MIA2: variants seen among roughly 807,000 people sequenced by gnomAD.
MIA2 encodes the protein melanoma inhibitory activity protein 2.
MIA2 carries 127 observed loss-of-function variants against 167.8 expected under a neutral mutation model. The observed-to-expected ratio is 0.76, with a 90% CI of 0.66 to 0.88. MIA2 has a LOEUF of 0.88. Ranked by LOEUF, MIA2 falls within the 40% of genes least tolerant of loss-of-function variation. The probability of loss-of-function intolerance (pLI) is 0.00; values close to 1 mark genes in which losing one functional copy is unlikely to be tolerated. For missense variants in MIA2, 1,690 were observed against 1,624.7 expected (o/e 1.04, Z -0.69); for synonymous variants, 552 against 541.9 (o/e 1.02, Z -0.26).
chr14:39,305,268 A>G lies in MIA2; in HGVS notation c.2878+887A>G, dbSNP rs138693135. 9.7e-3 allele frequency among the ~76,000 whole-genome samples: 1,475 copies of G among 152,340 alleles called. 17 individuals are homozygous for G. The highest frequency in any genetic ancestry group is 0.017 in the Middle Eastern group (5 of 294). On this transcript the variant is annotated intron_variant, in intron 17 of 28. Transcript: ENST00000640607. ...AGTATTAGTTTAAGAGAATGTTGCT[A>G]TATGTAAAGCATTGTACTAAAAACT...
At chr14:39,357,845 G>T (rs992913274) in intron 23 of MIA2, among the ~76,000 whole-genome samples, 1 of 149,832 alleles carries the variant, frequency 6.7e-6, no homozygotes, top group African/African-American at 2.5e-5. Context: ...ATTCTGGGTT[G>T]AAAATTCTTT....
intron 6 of MIA2, 120 bp from the exon 7 acceptor site, chr14:39,276,814 C>T (rs1236552330): frequency 1.0e-6 from 1 of 1,002,360 alleles, no homozygotes. Flanking sequence ...CTGATACTTT[C>T]TGTTTGGTGT....
Position 39,313,417 on chromosome 14 carries a change from C to A in MIA2, c.3095C>A (p.Ala1032Asp). 1 of 1,600,714 alleles carries A rather than the reference C, an allele frequency of 6.2e-7. No individual in the cohort carries two copies. The highest frequency in any genetic ancestry group is 1.3e-5 in the African/African-American group (1 of 74,446). The change falls in exon 19 of 29, where the codon GCC (alanine) becomes GAC (aspartate). Residue 1032 changes from alanine (A) to aspartate (D), a missense_variant. Coordinates refer to ENST00000640607, the MANE Select transcript of MIA2 (RefSeq NM_001329214.4). ...AAAGTAGATGAAAAGATCAGCCATG[C>A]CACTGAAGAGCTGGAGACCTATAGG... ...LSKVDEKISHATEELETYRKR... is the reference protein window; with the variant it reads ...LSKVDEKISHDTEELETYRKR...
At chr14:39,283,407 A>G (rs2059219366) in intron 9 of MIA2, among the ~76,000 whole-genome samples, 1 of 152,216 alleles carries the variant, frequency 6.6e-6, no homozygotes. Context: ...ATTGACTTTA[A>G]GTGAAACAGT....
intron 23 of MIA2, among the ~76,000 whole-genome samples, chr14:39,357,733 C>T (rs148805915): frequency 0.038 from 5,713 of 152,158 alleles, 368 homozygotes; most frequent in African/African-American, 0.13. Flanking sequence ...CAGGAGCTCC[C>T]GTAGGGCAGG....
intron 25 of MIA2, among the ~76,000 whole-genome samples, chr14:39,336,853 C>T (rs1311721352): frequency 6.6e-6 from 1 of 152,150 alleles, no homozygotes; most frequent in African/African-American, 2.4e-5. Flanking sequence ...TCAAGCAATC[C>T]TCCCCTCTCA....
intron 6 of MIA2, among the ~76,000 whole-genome samples, chr14:39,272,480 T>C (rs1459961939): frequency 6.6e-6 from 1 of 152,256 alleles, no homozygotes; most frequent in African/African-American, 2.4e-5. Context: ...AGGATTTAAC[T>C]TGTGGCTTGG....
chr14:39,384,677 A>G (rs1337793815), intron 23 of MIA2, among the ~76,000 whole-genome samples: 2 of 152,172 alleles, frequency 1.3e-5, no homozygotes, highest in African/African-American at 4.8e-5. Context: ...ACTCCGGCAC[A>G]CTCAGCCAGG....
At chr14:39,351,531 A>G (rs1232063206), downstream of MIA2, 2 of 152,244 alleles carry the variant, frequency 1.3e-5, no homozygotes, top group Non-Finnish European at 2.9e-5. Context: ...ATGTTGAAAT[A>G]CTAACCCCCA....
intron 25 of MIA2, among the ~76,000 whole-genome samples, chr14:39,327,991 G>A (rs889359082): frequency 6.6e-6 from 1 of 152,170 alleles, no homozygotes; most frequent in Non-Finnish European, 1.5e-5. Flanking sequence ...ACCCAGTAAT[G>A]GGATGGCTGG....
chr14:39,380,389 GC>G (rs888176516), intron 23 of MIA2, among the ~76,000 whole-genome samples: 30 of 152,076 alleles, frequency 2.0e-4, no homozygotes, highest in Admixed American at 1.8e-3. Context: ...AAGTCGGTGG[GC>G]TAGAAGGCAA....
At chr14:39,274,961 G>A (rs922760996) in intron 6 of MIA2, among the ~76,000 whole-genome samples, 4 of 150,330 alleles carry the variant, frequency 2.7e-5, no homozygotes, top group Non-Finnish European at 4.4e-5. Context: ...TGTAATCCCA[G>A]CTACTCGGGA....
chr14:39,258,123 G>A (rs531548529), intron 6 of MIA2, among the ~76,000 whole-genome samples: 84 of 152,282 alleles, frequency 5.5e-4, no homozygotes, highest in South Asian at 1.0e-3. Flanking sequence ...GAATTTAAAT[G>A]TTGGCCTGCC....
At chr14:39,374,223 A>G (rs1229932149) in intron 23 of MIA2, among the ~76,000 whole-genome samples, 1 of 152,216 alleles carries the variant, frequency 6.6e-6, no homozygotes, top group Non-Finnish European at 1.5e-5. Flanking sequence ...GAAAAATGTA[A>G]TTCCTCAGAT....
At chr14:39,386,686 T>A in intron 23 of MIA2, 1 of 1,152,520 alleles carries the variant, frequency 8.7e-7, no homozygotes. Context: ...TCATTATTGT[T>A]ATTGTTTTCT....
chr14:39,242,375 T>G (rs182652303), intron 3 of MIA2, among the ~76,000 whole-genome samples: 1 of 149,978 alleles, frequency 6.7e-6, no homozygotes, highest in East Asian at 2.0e-4. Flanking sequence ...CAGGCTGGAG[T>G]GCAATGGCAT....
intron 14 of MIA2, among the ~76,000 whole-genome samples, chr14:39,301,107 C>G (rs2062422031): frequency 6.6e-6 from 1 of 151,314 alleles, no homozygotes; most frequent in Non-Finnish European, 1.5e-5. Context: ...GTCACCTAGG[C>G]TGGAGTGCAA....
chr14:39,322,844 G>A (rs1418979744), intron 24 of MIA2, among the ~76,000 whole-genome samples: 1 of 152,156 alleles, frequency 6.6e-6, no homozygotes, highest in Non-Finnish European at 1.5e-5. Flanking sequence ...TCAGTTCCAA[G>A]TATGTGTTTT....
chr14:39,241,911 G>T (rs989772548), intron 3 of MIA2, among the ~76,000 whole-genome samples: 8 of 152,066 alleles, frequency 5.3e-5, no homozygotes, highest in African/African-American at 9.7e-5. Context: ...CTGGACTTTT[G>T]ACTGTTCTTA....
Sources: allele counts gnomAD v4.1 joint callset (sites outside exome capture counted in the v4.1 genomes callset), GRCh38; gene constraint gnomAD v4.1.1; transcripts MANE v1.5; gene names NCBI Gene and HGNC (gene_info 2026-07-23, HGNC 2026-07-21).